The following FNDC3B variants were observed in gnomAD, a reference collection of about 807,000 sequenced individuals.
FNDC3B encodes the protein fibronectin type III domain containing 3B.
In FNDC3B, 12 loss-of-function variants were observed where a neutral mutation model predicts 151.5. The observed-to-expected ratio is 0.08, with a 90% CI of 0.05 to 0.13. FNDC3B has a LOEUF of 0.13. Among genes scored for constraint, FNDC3B ranks in the 10% least tolerant of loss-of-function variants. FNDC3B has a pLI of 1.00. For missense variants in FNDC3B, 1,214 were observed against 1,505.3 expected (o/e 0.81, Z 3.20); for synonymous variants, 528 against 549.0 (o/e 0.96, Z 0.54).
At position 172,112,605 on chromosome 3, in the gene FNDC3B, A is replaced by C. The variant is rs536570189; in HGVS notation, c.111+15A>C. ...CAGCTCAGCAGGTTGGTGTAGGAAGAGGGAAATTTAAGTCAAATTGTCTAA... is the reference window on the plus strand; with the variant it reads ...CAGCTCAGCAGGTTGGTGTAGGAAGCGGGAAATTTAAGTCAAATTGTCTAA... On this transcript the variant is annotated intron_variant, in intron 2 of 25. Coordinates refer to ENST00000415807, the MANE Select transcript of FNDC3B (RefSeq NM_022763.4). The C allele has an allele frequency of 1.3e-6, 2 of 1,556,804 alleles. No individual in the cohort carries two copies. The highest frequency in any genetic ancestry group is 8.9e-7 in the Non-Finnish European group (1 of 1,127,730).
chr3:172,165,256 C>T (rs1271248227), intron 3 of FNDC3B, among the ~76,000 whole-genome samples: 1 of 152,184 alleles, frequency 6.6e-6, no homozygotes, highest in African/African-American at 2.4e-5. Flanking sequence ...GCAATCCTCC[C>T]ACCTCAGCCT....
At chr3:172,391,950 TAAAG>T (rs1415217250) in intron 25 of FNDC3B, among the ~76,000 whole-genome samples, 1 of 150,974 alleles carries the variant, frequency 6.6e-6, no homozygotes, top group African/African-American at 2.4e-5. Context: ...ATTAAGAAAA[TAAAG>T]AACACTCACA....
Position 172,146,393 on chromosome 3 carries a change from T to TA in FNDC3B, c.187+12856dup, listed in dbSNP as rs200561448. The stretch of plus-strand genomic sequence containing the variant: ...TGCACATCAGAATTACCTGGGAACT[T>TA]AAAAAAAAAGTTTAAAAGTTGATAT... On this transcript the variant is annotated intron_variant, in intron 3 of 25. Coordinates refer to ENST00000415807, the MANE Select transcript of FNDC3B (RefSeq NM_022763.4). Among the ~76,000 whole-genome samples the TA allele has an allele frequency of 8.6e-3, 1,296 of 151,510 alleles. 23 individuals carry two copies. The highest frequency in any genetic ancestry group is 0.029 in the African/African-American group (1,207 of 41,290).
chr3:172,307,226 A>G, intron 9 of FNDC3B, 137 bp from the exon 10 acceptor site: 2 of 861,086 alleles, frequency 2.3e-6, no homozygotes. Context: ...CAAGACCAAC[A>G]GATAAGAGCA....
At chr3:172,232,893 A>G (rs1255256500) in intron 4 of FNDC3B, among the ~76,000 whole-genome samples, 1 of 152,222 alleles carries the variant, frequency 6.6e-6, no homozygotes, top group Non-Finnish European at 1.5e-5. Context: ...GAGAAATGTT[A>G]TGTGAGGTGT....
chr3:172,184,209 C>T (rs1412443701), intron 3 of FNDC3B: 1 of 152,236 alleles, frequency 6.6e-6, no homozygotes, highest in Non-Finnish European at 1.5e-5. Context: ...CGCTCTGCTG[C>T]TTCTTGTACC....
intron 2 of FNDC3B, among the ~76,000 whole-genome samples, chr3:172,132,596 A>G (rs1274719213): frequency 6.6e-6 from 1 of 152,102 alleles, no homozygotes; most frequent in East Asian, 1.9e-4. Flanking sequence ...AGTAGAGACC[A>G]GGTTTCACCC....
chr3:172,111,096 TAAAA>T (rs1240844592), intron 1 of FNDC3B, among the ~76,000 whole-genome samples: 4 of 104,778 alleles, frequency 3.8e-5, no homozygotes, highest in South Asian at 3.0e-4. Flanking sequence ...GAGACTCCAT[TAAAA>T]AAAAAAAAAA....
rs1466888772 is a variant in FNDC3B, at chr3:172,080,269, TTTTC to T, written c.-28-32175_-28-32172del. Among the ~76,000 whole-genome samples the T allele has an allele frequency of 1.3e-4, 20 of 152,126 alleles. No homozygotes were observed. In the East Asian group the frequency reaches 3.1e-3, roughly 24 times the overall value. On this transcript the variant is annotated intron_variant, in intron 1 of 25. Coordinates refer to ENST00000415807, the MANE Select transcript of FNDC3B (RefSeq NM_022763.4). ...AAGGCATCTTCTGAAGCTTAGAATTTTTTCTTTCTTTTTTTTTAAGAGACAGAGT... is the reference window on the plus strand; with the variant it reads ...AAGGCATCTTCTGAAGCTTAGAATTTTTTCTTTTTTTTTAAGAGACAGAGT...
Position 172,226,898 on chromosome 3 carries a change from C to T in FNDC3B, c.215C>T (p.Pro72Leu). ...QGPAEVPMMS[P>L]NGSIPPIHVP... is the part of the protein sequence containing the mutation. Reference sequence around the variant, plus strand: ...CCTGCTGAAGTTCCCATGATGTCACCCAATGGATCCATTCCTCCCATTCAT... The same window carrying T: ...CCTGCTGAAGTTCCCATGATGTCACTCAATGGATCCATTCCTCCCATTCAT... Residue 72 changes from proline to leucine, a missense_variant, in exon 4 of 26, where the codon CCC becomes CTC. Coordinates refer to ENST00000415807, the MANE Select transcript of FNDC3B (RefSeq NM_022763.4). 1 of 1,613,088 alleles carries T rather than the reference C, an allele frequency of 6.2e-7. No individual in the cohort carries two copies. The highest frequency in any genetic ancestry group is 8.5e-7 in the Non-Finnish European group (1 of 1,179,040).
At chr3:172,155,234 G>GTTTA (rs1416941075) in intron 3 of FNDC3B, among the ~76,000 whole-genome samples, 1 of 152,200 alleles carries the variant, frequency 6.6e-6, no homozygotes, top group Non-Finnish European at 1.5e-5. Context: ...AGTTTTCTTT[G>GTTTA]TTTAAGCTTC....
chr3:172,343,949 G>T, intron 18 of FNDC3B, 137 bp from the exon 19 acceptor site: 1 of 689,824 alleles, frequency 1.4e-6, no homozygotes, highest in Non-Finnish European at 2.5e-6. Flanking sequence ...TTTTTGGTGG[G>T]CATGGATTCT....
chr3:172,298,656 G>T, intron 8 of FNDC3B, 72 bp from the exon 9 acceptor site: 1 of 959,496 alleles, frequency 1.0e-6, no homozygotes, highest in East Asian at 2.5e-5. Flanking sequence ...TACATTACTG[G>T]ACACCCAAAT....
At chr3:172,306,893 TGTA>T (rs1359589990) in intron 9 of FNDC3B, 1 of 157,590 alleles carries the variant, frequency 6.3e-6, no homozygotes, top group East Asian at 1.9e-4. Context: ...CAGTATTAAA[TGTA>T]GTTCAAAGAT....
At chr3:172,228,208 G>A (rs1726691286) in intron 4 of FNDC3B, among the ~76,000 whole-genome samples, 1 of 152,204 alleles carries the variant, frequency 6.6e-6, no homozygotes. Flanking sequence ...GAGGGAGAAA[G>A]GGGTGTAGAA....
chr3:172,201,163 C>T (rs1725130101), intron 3 of FNDC3B, among the ~76,000 whole-genome samples: 1 of 152,198 alleles, frequency 6.6e-6, no homozygotes, highest in African/African-American at 2.4e-5. Flanking sequence ...GCCAGCCTCT[C>T]TAATGGCTCC....
At chr3:172,055,093 CATTTTT>C (rs762522992) in intron 1 of FNDC3B, among the ~76,000 whole-genome samples, 19 of 152,148 alleles carry the variant, frequency 1.2e-4, no homozygotes, top group Non-Finnish European at 2.2e-4. Context: ...TATTTATACT[CATTTTT>C]AAATAAATTA....
At chr3:172,254,546 T>C (rs1337969817) in intron 6 of FNDC3B, among the ~76,000 whole-genome samples, 2 of 152,212 alleles carry the variant, frequency 1.3e-5, no homozygotes, top group African/African-American at 2.4e-5. Context: ...ACTCAGTATA[T>C]ATTGTTAAAT....
intron 3 of FNDC3B, among the ~76,000 whole-genome samples, chr3:172,152,446 C>G (rs937045756): frequency 1.6e-4 from 24 of 152,138 alleles, no homozygotes; most frequent in African/African-American, 5.6e-4. Flanking sequence ...GGGTGTGTTG[C>G]ATTGCTTCCT....
Sources: gnomAD v4.1 joint callset for allele counts (sites outside exome capture counted in the v4.1 genomes callset) on GRCh38, gnomAD v4.1.1 for gene constraint, MANE v1.5 for transcripts, NCBI Gene and HGNC (gene_info 2026-07-23, HGNC 2026-07-21) for gene names.